The following CTBP1 variants were observed in gnomAD, a reference collection of about 807,000 sequenced individuals.
The protein encoded by CTBP1 is C-terminal binding protein 1, also known as C-terminal-binding protein 1.
CTBP1 carries 11 observed loss-of-function variants against 42.1 expected under a neutral mutation model. The observed-to-expected ratio is 0.26, with a 90% CI of 0.16 to 0.43. The LOEUF (loss-of-function observed/expected upper bound fraction) is 0.43, where lower values mean the gene tolerates loss of function less well. Among genes scored for constraint, CTBP1 ranks in the 20% least tolerant of loss-of-function variants. The probability of loss-of-function intolerance (pLI) is 1.00; values close to 1 mark genes in which losing one functional copy is unlikely to be tolerated. For synonymous variants in CTBP1, 324 were observed against 277.1 expected (o/e 1.17, Z -1.68); for missense variants, 399 against 624.3 (o/e 0.64, Z 3.85).
intron 7 of CTBP1, 163 bp from the exon 8 acceptor site, chr4:1,213,768 C>T (rs1234052735): frequency 3.5e-5 from 31 of 891,786 alleles, no homozygotes; most frequent in Middle Eastern, 3.5e-4. Flanking sequence ...AGAGCACAGC[C>T]CCGGGACCAT....
chr4:1,220,388 C>T (rs1402723747), intron 5 of CTBP1, among the ~76,000 whole-genome samples: 1 of 152,022 alleles, frequency 6.6e-6, no homozygotes, highest in Non-Finnish European at 1.5e-5. Context: ...AAACCTTCTA[C>T]TGATAACGAC....
In CTBP1 at chr4:1,211,997, AT is replaced by A. The variant is rs1728585992; in HGVS notation, c.*242del. 1 of 377,654 alleles carries A rather than the reference AT, an allele frequency of 2.6e-6. No individual in the cohort carries two copies. Among genetic ancestry groups the A allele is most frequent in the Non-Finnish European group, 4.7e-6 (1 of 213,116 alleles). The allele number at this position is 377,654 out of a possible 1,614,324, so 23.4% of individuals were successfully genotyped here. On this transcript the variant is annotated 3_prime_UTR_variant, in exon 10 of 10. Transcript: ENST00000382952. ...AAACTGTACACAGACAAGAACGTTC[AT>A]GGGAGAATAACTACTGACTTCTTCT...
rs1304722992 is a variant in CTBP1, at chr4:1,248,973, C to T, written c.-246G>A. 3.5e-5 allele frequency: 35 copies of T among 997,442 alleles called. No homozygotes were observed. The highest frequency in any genetic ancestry group is 4.1e-5 in the Non-Finnish European group (34 of 834,946). The allele number at this position is 997,442 out of a possible 1,614,324, so 61.8% of individuals were successfully genotyped here. On this transcript the variant is annotated 5_prime_UTR_variant, in exon 1 of 10. Coordinates refer to ENST00000382952, the MANE Select transcript of CTBP1 (RefSeq NM_001012614.2). ...CTGCCCATCGAGAGGCGCGAGCGGC[C>T]GCGGGCCCCGACCACTCCGGCGCGC... is the stretch of plus-strand genomic sequence containing the variant.
At chr4:1,247,025 C>T (rs181674641) in intron 1 of CTBP1, among the ~76,000 whole-genome samples, 119 of 152,296 alleles carry the variant, frequency 7.8e-4, no homozygotes, top group Non-Finnish European at 1.3e-3. Flanking sequence ...CAAGGCTCGT[C>T]CCACTCATCA....
At chr4:1,243,393 A>G in intron 1 of CTBP1, 1 of 985,378 alleles carries the variant, frequency 1.0e-6, no homozygotes, top group Non-Finnish European at 1.2e-6. Flanking sequence ...TAGCCCTGCC[A>G]GACCTGAGGG....
At chr4:1,248,747 CCGCCCCCGACCG>C in intron 1 of CTBP1, 157 bp downstream of exon 1, 1 of 979,244 alleles carries the variant, frequency 1.0e-6, no homozygotes, top group Non-Finnish European at 1.2e-6. Flanking sequence ...TCCCGCGGTC[CCGCCCCCGACCG>C]CGGCCACGCG....
rs533887532 is a variant in CTBP1 at position 1,228,432 on chromosome 4, T to G, written c.163-89A>C. On this transcript the variant is annotated intron_variant, in intron 3 of 9. Transcript: ENST00000382952. ...GGTGGGGCTGCCCCGGCTGGGAAAT[T>G]AGCCTGTGGCCCTCAGGCTTGTTCC... The G allele has an allele frequency of 1.1e-4, 163 of 1,491,102 alleles. No homozygotes were observed. The African/African-American group carries it at 2.1e-3, about 19-fold the overall frequency. The allele number at this position is 1,491,102 out of a possible 1,614,324, so 92.4% of individuals were successfully genotyped here. A position where few individuals can be genotyped will look rare whatever the true frequency, so the allele number is the denominator to read the frequency against.
intron 1 of CTBP1, chr4:1,243,034 G>C (rs753627846): frequency 4.1e-6 from 4 of 985,386 alleles, no homozygotes; most frequent in Non-Finnish European, 4.8e-6. Flanking sequence ...ATTGATACGG[G>C]CCAATACTCA....
chr4:1,227,693 C>T (rs926088698), intron 4 of CTBP1, among the ~76,000 whole-genome samples: 4 of 150,284 alleles, frequency 2.7e-5, no homozygotes, highest in Admixed American at 2.7e-4. Context: ...GCTGAGTGCA[C>T]ATGCACGGAT....
At chr4:1,223,530 G>C (rs931885143) in intron 5 of CTBP1, 3 of 455,264 alleles carry the variant, frequency 6.6e-6, no homozygotes, top group Middle Eastern at 3.2e-4. Flanking sequence ...TTTGGGAAGC[G>C]GGGGGCCGGC....
intron 3 of CTBP1, among the ~76,000 whole-genome samples, chr4:1,234,184 C>A (rs1337756361): frequency 1.3e-5 from 2 of 152,246 alleles, no homozygotes; most frequent in African/African-American, 4.8e-5. Context: ...TCCAGGCAGC[C>A]CCTGCAGACT....
At chr4:1,242,942 CTCA>C (rs911566709) in intron 1 of CTBP1, 11 of 984,648 alleles carry the variant, frequency 1.1e-5, no homozygotes, top group African/African-American at 1.1e-4. Flanking sequence ...CCAGCCGATA[CTCA>C]TCAATGCCAG....
At chr4:1,218,054 G>A (rs1288733341) in intron 5 of CTBP1, 1 of 152,108 alleles carries the variant, frequency 6.6e-6, no homozygotes, top group South Asian at 2.1e-4. Flanking sequence ...TTGAAGGGAG[G>A]GGCTCAAAGT....
At position 1,235,483 on chromosome 4, in the gene CTBP1, T is replaced by C. The variant is rs1343456355; in HGVS notation, c.162+2700A>G. On this transcript the variant is annotated intron_variant, in intron 3 of 9. Transcript: ENST00000382952. This position sits in a 1 kb window ranked among gnomAD's most constrained non-coding sequence, Gnocchi z 4.2. ...AGAGCGACCCTTCCTCATCTCGCCC[T>C]CTCCCGCGTTCTCTCCTTCCCTCCT... is the stretch of plus-strand genomic sequence containing the variant. 6.6e-6 allele frequency: 1 copy of C among 152,252 alleles called. No individual in the cohort carries two copies. 9.4% of individuals were successfully genotyped at this position (152,252 alleles called of 1,614,324 possible).
At chr4:1,232,520 C>T (rs970014129) in intron 3 of CTBP1, among the ~76,000 whole-genome samples, 1 of 152,240 alleles carries the variant, frequency 6.6e-6, no homozygotes, top group Non-Finnish European at 1.5e-5. Flanking sequence ...CCATGTTGCC[C>T]AGGCTGGTCT....
chr4:1,221,032 C>T (rs1729679525), intron 5 of CTBP1, among the ~76,000 whole-genome samples: 1 of 152,202 alleles, frequency 6.6e-6, no homozygotes, highest in Non-Finnish European at 1.5e-5. Flanking sequence ...AAAGTCAAGC[C>T]ACGGCCTGAG....
Position 1,238,369 on chromosome 4 carries a change from A to T in CTBP1, c.8-32T>A. ...GACAGAGGCAAGTGCTCAGCCTTGC[A>T]CCACTGCGGCCCCGTGGCTACAACC... On this transcript the variant is annotated intron_variant, in intron 2 of 9. Coordinates refer to ENST00000382952, the MANE Select transcript of CTBP1 (RefSeq NM_001012614.2). This position sits in a 1 kb window ranked among gnomAD's most constrained non-coding sequence, Gnocchi z 5.9. 6.6e-7 allele frequency: 1 copy of T among 1,524,724 alleles called. No individual in the cohort carries two copies. The highest frequency in any genetic ancestry group is 8.8e-7 in the Non-Finnish European group (1 of 1,137,308). 94.4% of individuals were successfully genotyped at this position (1,524,724 alleles called of 1,614,324 possible).
chr4:1,228,174 A>G lies in CTBP1; in HGVS notation c.307+25T>C, dbSNP rs776208219. 7 of 1,612,984 alleles carry G rather than the reference A, an allele frequency of 4.3e-6. No individual in the cohort carries two copies. The African/African-American group carries it at 9.3e-5, about 21-fold the overall frequency. ...GGACGGAGCTTGCATGAATGGGCAC[A>G]GGAGAGAACTCGGAGCCGGCCTACC... On this transcript the variant is annotated intron_variant, in intron 4 of 9. Coordinates refer to ENST00000382952, the MANE Select transcript of CTBP1 (RefSeq NM_001012614.2).
intron 1 of CTBP1, 129 bp downstream of exon 1, chr4:1,248,787 G>A (rs1415381577): frequency 1.1e-6 from 1 of 950,302 alleles, no homozygotes; most frequent in African/African-American, 1.8e-5. Context: ...CGGCGCGCAC[G>A]CGCACTCGCA....
Sources: gnomAD v4.1 joint callset for allele counts (sites outside exome capture counted in the v4.1 genomes callset) on GRCh38, gnomAD v4.1.1 for gene constraint, Gnocchi (gnomAD v3.1) non-coding constraint, MANE v1.5 for transcripts, NCBI Gene and HGNC (gene_info 2026-07-23, HGNC 2026-07-21) for gene names.